TRIML1: variants seen among roughly 807,000 people sequenced by gnomAD.
The protein encoded by TRIML1 is probable E3 ubiquitin-protein ligase TRIML1.
TRIML1 carries 34 observed loss-of-function variants against 32.3 expected under a neutral mutation model. The ratio of observed to expected loss-of-function variants is 1.05; its 90% CI spans 0.80 to 1.40. TRIML1 has a LOEUF of 1.40. Ranked by LOEUF, TRIML1 falls within the 40% of genes most tolerant of loss-of-function variation. The probability of loss-of-function intolerance (pLI) is 0.00; values close to 1 mark genes in which losing one functional copy is unlikely to be tolerated. For missense variants in TRIML1, 595 were observed against 574.9 expected, an observed-to-expected ratio of 1.03 and a Z score of -0.36; for synonymous variants, 244 against 226.6, an observed-to-expected ratio of 1.08 and a Z score of -0.69.
In TRIML1 at chr4:188,140,397, C is replaced by T. The variant is rs190942071; in HGVS notation, c.409-131C>T. 3.3e-3 allele frequency: 2,252 copies of T among 676,626 alleles called. 11 individuals carry two copies. The highest frequency in any genetic ancestry group is 4.1e-3 in the Non-Finnish European group (1,622 of 391,960). The allele number at this position is 676,626 out of a possible 1,614,324, so 41.9% of individuals were successfully genotyped here. On this transcript the variant is annotated intron_variant, in intron 1 of 5. Coordinates refer to ENST00000332517, the MANE Select transcript of TRIML1 (RefSeq NM_178556.5). ...TCGGCCTCCCAAAGTGCTGGGATTA[C>T]AGGCGTGAGGCGCCGCACCCAGCCT...
intron 5 of TRIML1, among the ~76,000 whole-genome samples, chr4:188,146,409 C>A (rs763977447): frequency 6.6e-5 from 10 of 152,146 alleles, no homozygotes; most frequent in Admixed American, 2.6e-4. Context: ...TTGTTCTCAA[C>A]CAAATACTGT....
Position 188,144,120 on chromosome 4 carries a change from A to G in TRIML1, c.843A>G (p.Leu281=). The G allele has an allele frequency of 3.1e-6, 5 of 1,613,902 alleles. No homozygotes were observed. The highest frequency in any genetic ancestry group is 4.2e-6 in the Non-Finnish European group (5 of 1,179,928). The change falls in exon 5 of 6, where the codon CTA becomes CTG. Residue 281 remains leucine (L), a synonymous_variant. Transcript: ENST00000332517. The part of the protein sequence containing the change: ...LCRITGMKEM[L]RKFSTEITLD... ...GCATCACGGGAATGAAGGAGATGCT[A>G]AGAAAATTCAGCAGTAAGTCAGCCT...
chr4:188,140,171 G>C (rs1478532991), intron 1 of TRIML1, among the ~76,000 whole-genome samples: 3 of 151,334 alleles, frequency 2.0e-5, no homozygotes, highest in Non-Finnish European at 4.4e-5. Flanking sequence ...GCCCAGGCTG[G>C]AGTGCAGCAG....
downstream of TRIML1, among the ~76,000 whole-genome samples, chr4:188,149,624 T>G (rs995279944): frequency 2.6e-5 from 4 of 152,088 alleles, no homozygotes; most frequent in African/African-American, 9.7e-5. Flanking sequence ...AGAAACAGGC[T>G]CAAGAGTCTG....
At position 188,140,583 on chromosome 4, in the gene TRIML1, C is replaced by A. The variant is rs1264166456; in HGVS notation, c.464C>A (p.Ala155Asp). Residue 155 changes from alanine (A) to aspartate (D), a missense_variant, in exon 2 of 6, where the codon GCT (alanine) becomes GAT (aspartate). Ala to Asp is a moderately radical substitution (Grantham distance 126, BLOSUM62 -2). Transcript: ENST00000332517. The stretch of plus-strand genomic sequence containing the variant: ...CGTGTAAGGAGAAAGGAAGCTCAGG[C>A]TGTACTAACCCATGAGAAGGAGAGA... Reference protein sequence around the residue: ...LLRVRRKEAQAVLTHEKERVK... With the variant: ...LLRVRRKEAQDVLTHEKERVK... The A allele has an allele frequency of 6.2e-7, 1 of 1,614,028 alleles. No homozygotes were observed. Among genetic ancestry groups the A allele is most frequent in the Non-Finnish European group, 8.5e-7 (1 of 1,179,956 alleles).
rs1225156099 is a variant in TRIML1 at position 188,147,387 on chromosome 4, G to A, written c.*15G>A. The A allele has an allele frequency of 2.7e-6, 4 of 1,464,718 alleles. No individual in the cohort carries two copies. The highest frequency in any genetic ancestry group is 3.6e-6 in the Non-Finnish European group (4 of 1,109,678). 90.7% of individuals were successfully genotyped at this position (1,464,718 alleles called of 1,614,324 possible). On this transcript the variant is annotated 3_prime_UTR_variant, in exon 6 of 6. Coordinates refer to ENST00000332517, the MANE Select transcript of TRIML1 (RefSeq NM_178556.5). The stretch of plus-strand genomic sequence containing the variant: ...GCCACGTCTGAGGGGCGTGCCCTGA[G>A]CCGTCACAGCGGGCGATGTCTGAGA...
chr4:188,147,272 C>G lies in TRIML1; in HGVS notation c.1307C>G (p.Ser436Cys). The change falls in exon 6 of 6, where the codon TCT becomes TGT. Residue 436 changes from serine to cysteine, a missense_variant. Coordinates refer to ENST00000332517, the MANE Select transcript of TRIML1 (RefSeq NM_178556.5). ...ESLIYSFPQA[S>C]FQEALRPIFS... Reference sequence around the variant, plus strand: ...CTCATCTACAGCTTCCCGCAGGCTTCTTTCCAAGAGGCCCTCAGGCCTATC... The same window carrying G: ...CTCATCTACAGCTTCCCGCAGGCTTGTTTCCAAGAGGCCCTCAGGCCTATC... 6.3e-7 allele frequency: 1 copy of G among 1,582,928 alleles called. No homozygotes were observed. The highest frequency in any genetic ancestry group is 8.6e-7 in the Non-Finnish European group (1 of 1,164,592).
At chr4:188,140,819 C>G (rs1734826409) in intron 2 of TRIML1, 196 bp downstream of exon 2, 1 of 521,310 alleles carries the variant, frequency 1.9e-6, no homozygotes, top group East Asian at 3.2e-5. Context: ...AATTCGCCCC[C>G]TCTAGGAGCC....
At chr4:188,137,604 A>G (rs1734699732), upstream of TRIML1, among the ~76,000 whole-genome samples, 1 of 150,694 alleles carries the variant, frequency 6.6e-6, no homozygotes, top group African/African-American at 2.4e-5. Flanking sequence ...CAGCCTCCTG[A>G]CTAGCTGGGA....
downstream of TRIML1, among the ~76,000 whole-genome samples, chr4:188,148,901 CTTTTTTTTT>C (rs34415263): frequency 0.064 from 4,102 of 63,720 alleles, 184 homozygotes; most frequent in African/African-American, 0.18. Flanking sequence ...CGTGCCCAGG[CTTTTTTTTT>C]TTTTTTTTTT....
Position 188,144,095 on chromosome 4 carries a change from G to T in TRIML1, c.818G>T (p.Arg273Leu), listed in dbSNP as rs868435235. Reference sequence around the variant, plus strand: ...ACCACCACAGAGCTGAGTCTGTGCCGCATCACGGGAATGAAGGAGATGCTA... The same window carrying T: ...ACCACCACAGAGCTGAGTCTGTGCCTCATCACGGGAATGAAGGAGATGCTA... ...EATTTELSLC[R>L]ITGMKEMLRK... The change falls in exon 5 of 6, where the codon CGC becomes CTC. Residue 273 changes from arginine to leucine, a missense_variant. Physicochemically the swap from Arg to Leu is moderately radical, Grantham distance 102. Coordinates refer to ENST00000332517, the MANE Select transcript of TRIML1 (RefSeq NM_178556.5). 6.2e-7 allele frequency: 1 copy of T among 1,613,934 alleles called. No individual in the cohort carries two copies. The highest frequency in any genetic ancestry group is 8.5e-7 in the Non-Finnish European group (1 of 1,180,016).
In TRIML1 at chr4:188,139,491, A is replaced by G. The variant is rs1270921796; in HGVS notation, c.-68A>G. On this transcript the variant is annotated 5_prime_UTR_variant, in exon 1 of 6. Coordinates refer to ENST00000332517, the MANE Select transcript of TRIML1 (RefSeq NM_178556.5). ...CCCGCGTGTTACTCAAAACTGTAGG[A>G]CGGCAGTGAGGGCTTTGCTAATCCC... The G allele has an allele frequency of 1.4e-5, 20 of 1,477,684 alleles. No homozygotes were observed. Among genetic ancestry groups the G allele is most frequent in the Admixed American group, 2.2e-5 (1 of 45,030 alleles). 91.5% of individuals were successfully genotyped at this position (1,477,684 alleles called of 1,614,324 possible).
downstream of TRIML1, among the ~76,000 whole-genome samples, chr4:188,150,137 AT>A (rs1417737340): frequency 2.0e-5 from 3 of 148,324 alleles, no homozygotes; most frequent in South Asian, 6.4e-4. Context: ...TATTATTATT[AT>A]TTTTTGAGAC....
downstream of TRIML1, among the ~76,000 whole-genome samples, chr4:188,149,109 C>T (rs369573122): frequency 6.0e-5 from 9 of 151,198 alleles, 1 homozygote; most frequent in Middle Eastern, 3.4e-3. Flanking sequence ...TTAGTAGAGA[C>T]GGGGTTTCAC....
In TRIML1 at chr4:188,147,271, T is replaced by C. The variant is rs762790342; in HGVS notation, c.1306T>C (p.Ser436Pro). Residue 436 changes from serine to proline, a missense_variant, in exon 6 of 6, where the codon TCT becomes CCT. Coordinates refer to ENST00000332517, the MANE Select transcript of TRIML1 (RefSeq NM_178556.5). Reference sequence around the variant, plus strand: ...CCTCATCTACAGCTTCCCGCAGGCTTCTTTCCAAGAGGCCCTCAGGCCTAT... The same window carrying C: ...CCTCATCTACAGCTTCCCGCAGGCTCCTTTCCAAGAGGCCCTCAGGCCTAT... ...ESLIYSFPQASFQEALRPIFS... is the reference protein window; with the variant it reads ...ESLIYSFPQAPFQEALRPIFS... 1.3e-6 allele frequency: 2 copies of C among 1,583,012 alleles called. No homozygotes were observed. Among genetic ancestry groups the C allele is most frequent in the Admixed American group, 1.8e-5 (1 of 55,812 alleles).
At chr4:188,143,792 T>A (rs76009938) in intron 3 of TRIML1, 46 bp from the exon 4 acceptor site, 1 of 1,612,954 alleles carries the variant, frequency 6.2e-7, no homozygotes, top group African/African-American at 1.3e-5. Flanking sequence ...TCGTCTGTGT[T>A]ATGATCAAAG....
At chr4:188,150,104 T>C (rs1178824440), downstream of TRIML1, among the ~76,000 whole-genome samples, 1 of 148,402 alleles carries the variant, frequency 6.7e-6, no homozygotes, top group African/African-American at 2.5e-5. Flanking sequence ...GCGCCCGGCC[T>C]TATTTTATTT....
chr4:188,147,213 A>G lies in TRIML1; in HGVS notation c.1248A>G (p.Gly416=). The G allele has an allele frequency of 6.2e-7, 1 of 1,613,410 alleles. No individual in the cohort carries two copies. Among genetic ancestry groups the G allele is most frequent in the Non-Finnish European group, 8.5e-7 (1 of 1,179,798 alleles). ...KVGVFLDYES[G]HIAFYNGTDE... is the part of the protein sequence containing the mutation. ...GTGTCTTCCTGGACTATGAATCTGG[A>G]CATATAGCATTCTACAACGGGACGG... is the stretch of plus-strand genomic sequence containing the variant. Residue 416 remains glycine, a synonymous_variant, in exon 6 of 6, where the codon GGA becomes GGG. Transcript: ENST00000332517.
rs763625424 is a variant in TRIML1, at chr4:188,146,980, G to A, written c.1015G>A (p.Gly339Arg). The A allele has an allele frequency of 3.8e-6, 6 of 1,569,528 alleles. No homozygotes were observed. Among genetic ancestry groups the A allele is most frequent in the Non-Finnish European group, 5.2e-6 (6 of 1,157,590 alleles). Residue 339 changes from glycine (G) to arginine (R), a missense_variant, in exon 6 of 6, where the codon GGG (glycine) becomes AGG (arginine). Transcript: ENST00000332517. ...TVLGTQIFTS[G>R]RHYWEVEVGN... ...GCTGGGTACTCAGATCTTCACCAGT[G>A]GGAGACACTACTGGGAGGTGGAGGT... is the stretch of plus-strand genomic sequence containing the variant.
Sources: gnomAD v4.1 joint callset for allele counts (sites outside exome capture counted in the v4.1 genomes callset) on GRCh38, gnomAD v4.1.1 for gene constraint, MANE v1.5 for transcripts, NCBI Gene and HGNC (gene_info 2026-07-23, HGNC 2026-07-21) for gene names.